Variants in PRDM6 observed in about 807,000 individuals in gnomAD.
PRDM6 encodes putative histone-lysine N-methyltransferase PRDM6.
Under a neutral mutation model 60.8 loss-of-function variants are expected in PRDM6, and 25 were observed. The ratio of observed to expected loss-of-function variants is 0.41; its 90% CI spans 0.30 to 0.57. The LOEUF (loss-of-function observed/expected upper bound fraction) is 0.57. PRDM6 is among the 20% of genes least tolerant of loss of function. The pLI is 0.27. For synonymous variants in PRDM6, 407 were observed against 357.4 expected (o/e 1.14, Z -1.57); for missense variants, 839 against 821.3 (o/e 1.02, Z -0.26).
intron 3 of PRDM6, among the ~76,000 whole-genome samples, chr5:123,154,392 G>C (rs1281545978): frequency 6.6e-6 from 1 of 152,040 alleles, no homozygotes; most frequent in Non-Finnish European, 1.5e-5. Flanking sequence ...GATCACCCTG[G>C]TGTGTTTACC....
At chr5:123,159,023 G>A (rs957192466) in intron 4 of PRDM6, among the ~76,000 whole-genome samples, 4 of 152,126 alleles carry the variant, frequency 2.6e-5, no homozygotes, top group Non-Finnish European at 5.9e-5. Context: ...GAGCAGTGGA[G>A]AAGATTTTTA....
At chr5:123,091,950 A>AC (rs1191644356) in intron 2 of PRDM6, among the ~76,000 whole-genome samples, 1 of 151,116 alleles carries the variant, frequency 6.6e-6, no homozygotes, top group African/African-American at 2.4e-5. Flanking sequence ...GAAAAAAAAA[A>AC]CACTGGGCAA....
At chr5:123,156,300 G>A (rs868082897) in intron 4 of PRDM6, among the ~76,000 whole-genome samples, 1 of 152,144 alleles carries the variant, frequency 6.6e-6, no homozygotes, top group African/African-American at 2.4e-5. Context: ...AATGAGCCCA[G>A]CAAACCCACT....
At chr5:123,118,331 A>G (rs1764504454) in intron 3 of PRDM6, among the ~76,000 whole-genome samples, 1 of 152,230 alleles carries the variant, frequency 6.6e-6, no homozygotes, top group Non-Finnish European at 1.5e-5. Flanking sequence ...ATAGGCTGAT[A>G]TTAAGAAATA....
At position 123,187,069 on chromosome 5, in the gene PRDM6, C is replaced by A; in HGVS notation, c.1674-18C>A. 1 of 1,545,312 alleles carries A rather than the reference C, an allele frequency of 6.5e-7. No homozygotes were observed. Among genetic ancestry groups the A allele is most frequent in the South Asian group, 1.2e-5 (1 of 83,868 alleles). On this transcript the variant is annotated intron_variant, in intron 7 of 7. Transcript: ENST00000407847. The stretch of plus-strand genomic sequence containing the variant: ...GGCCCCGCTCCCTGGTCTCAATTTT[C>A]TCTCTTGCCTCCACCAGGTGCGAGA...
At chr5:123,095,169 A>AC (rs995555730) in intron 2 of PRDM6, among the ~76,000 whole-genome samples, 1 of 152,088 alleles carries the variant, frequency 6.6e-6, no homozygotes, top group Non-Finnish European at 1.5e-5. Flanking sequence ...GGCTTGGAAG[A>AC]CCCCTGCCGG....
At chr5:123,153,823 T>G (rs987603849) in intron 3 of PRDM6, among the ~76,000 whole-genome samples, 4 of 152,144 alleles carry the variant, frequency 2.6e-5, no homozygotes, top group Non-Finnish European at 5.9e-5. Flanking sequence ...TAGTTAGACA[T>G]GTTAGAGGAT....
At position 123,155,767 on chromosome 5, in the gene PRDM6, TA is replaced by T. The variant is rs375132011; in HGVS notation, c.901-116del. 6.2e-3 allele frequency: 7,297 copies of T among 1,173,206 alleles called. 25 individuals carry two copies. The highest frequency in any genetic ancestry group is 7.9e-3 in the Non-Finnish European group (6,728 of 854,428). 72.7% of individuals were successfully genotyped at this position (1,173,206 alleles called of 1,614,324 possible). A position where few individuals can be genotyped will look rare whatever the true frequency, so the allele number is the denominator to read the frequency against. The stretch of plus-strand genomic sequence containing the variant: ...GTTGTCCACAAGCATCAATAAGCAC[TA>T]GCAAACCTAAGGGCAATAAATTTCT... On this transcript the variant is annotated intron_variant, in intron 3 of 7. Transcript: ENST00000407847.
At chr5:123,187,032 C>G (rs1580548291) in intron 7 of PRDM6, 55 bp from the exon 8 acceptor site, 2 of 1,277,292 alleles carry the variant, frequency 1.6e-6, no homozygotes, top group East Asian at 5.1e-5. Context: ...AGAGGAAGCC[C>G]ATCACCCTGC....
intron 7 of PRDM6, among the ~76,000 whole-genome samples, chr5:123,183,672 T>C (rs1766216737): frequency 6.6e-6 from 1 of 152,158 alleles, no homozygotes. Context: ...CTGGAAGTCA[T>C]GGAAAACAAG....
At chr5:123,129,957 T>C (rs1764782892) in intron 3 of PRDM6, among the ~76,000 whole-genome samples, 1 of 151,512 alleles carries the variant, frequency 6.6e-6, no homozygotes, top group East Asian at 1.9e-4. Context: ...CCTTCCTTCC[T>C]CCTTCCCTCC....
rs1446250242 is a variant in PRDM6 at position 123,103,405 on chromosome 5, A to G, written c.900+3444A>G. 2.6e-5 allele frequency among the ~76,000 whole-genome samples: 4 copies of G among 152,042 alleles called. No individual in the cohort carries two copies. In the East Asian group the frequency reaches 7.7e-4, roughly 29 times the overall value. On this transcript the variant is annotated intron_variant, in intron 3 of 7. Coordinates refer to ENST00000407847, the MANE Select transcript of PRDM6 (RefSeq NM_001136239.4). The stretch of plus-strand genomic sequence containing the variant: ...CATCAGACAATGACTTGCCTTGGTT[A>G]TATATATTTATTCCAAGACTTGGAT...
At chr5:123,173,412 C>G (rs542583888) in intron 6 of PRDM6, 3 of 166,996 alleles carry the variant, frequency 1.8e-5, no homozygotes, top group Admixed American at 6.5e-5. Flanking sequence ...AGACTCCTGT[C>G]TTATCATGGA....
chr5:123,131,741 T>G (rs1001875476), intron 3 of PRDM6, among the ~76,000 whole-genome samples: 1 of 152,250 alleles, frequency 6.6e-6, no homozygotes, highest in Non-Finnish European at 1.5e-5. Flanking sequence ...CATGTCTGAC[T>G]CAAATGTATA....
chr5:123,121,412 T>G (rs1216948918), intron 3 of PRDM6, among the ~76,000 whole-genome samples: 1 of 152,210 alleles, frequency 6.6e-6, no homozygotes, highest in Admixed American at 6.5e-5. Context: ...AGACAGGGTC[T>G]CACTCCGTCA....
chr5:123,122,194 T>C (rs1184056725), intron 3 of PRDM6, among the ~76,000 whole-genome samples: 1 of 141,934 alleles, frequency 7.0e-6, no homozygotes, highest in African/African-American at 2.6e-5. Context: ...AAAGAATTCC[T>C]GAGTCTCACC....
intron 3 of PRDM6, among the ~76,000 whole-genome samples, chr5:123,107,513 T>G (rs1207345942): frequency 6.6e-6 from 1 of 151,940 alleles, no homozygotes; most frequent in Non-Finnish European, 1.5e-5. Flanking sequence ...GCATGCCACA[T>G]GAATCTGCAG....
At chr5:123,170,658 C>A in intron 5 of PRDM6, 108 bp from the exon 6 acceptor site, 1 of 844,750 alleles carries the variant, frequency 1.2e-6, no homozygotes, top group Non-Finnish European at 1.8e-6. Context: ...AGTCCAGAAA[C>A]ACAAATTCTT....
intron 3 of PRDM6, among the ~76,000 whole-genome samples, chr5:123,127,710 CTCTT>C (rs376274919): frequency 3.9e-3 from 549 of 141,536 alleles, no homozygotes; most frequent in Middle Eastern, 0.016. Flanking sequence ...TTCTTTCTTT[CTCTT>C]TCTTTCTTTC....
Sources: gnomAD v4.1 joint callset for allele counts (sites outside exome capture counted in the v4.1 genomes callset) on GRCh38, gnomAD v4.1.1 for gene constraint, MANE v1.5 for transcripts, NCBI Gene and HGNC (gene_info 2026-07-23, HGNC 2026-07-21) for gene names.